Variants in ENTPD1 observed in about 807,000 individuals in gnomAD.
ENTPD1 encodes the protein ectonucleoside triphosphate diphosphohydrolase 1.
A neutral mutation model predicts 57.0 loss-of-function variants in ENTPD1; 33 were observed. The observed-to-expected ratio is 0.58, with a 90% CI of 0.44 to 0.77. The LOEUF (loss-of-function observed/expected upper bound fraction) is 0.77. ENTPD1 is among the 30% of genes least tolerant of loss of function. The probability of loss-of-function intolerance (pLI) is 0.00; values close to 1 mark genes in which losing one functional copy is unlikely to be tolerated. For synonymous variants in ENTPD1, 202 were observed against 218.8 expected, an observed-to-expected ratio of 0.92 and a Z score of 0.68; for missense variants, 501 against 603.4, an observed-to-expected ratio of 0.83 and a Z score of 1.78.
At chr10:95,823,481 G>A (rs2140562014) in intron 2 of ENTPD1, 117 bp downstream of exon 2, 1 of 1,493,622 alleles carries the variant, frequency 6.7e-7, no homozygotes, top group East Asian at 2.3e-5. Context: ...TAACAGCCCA[G>A]GAACAAGTCA....
rs115668055 is a variant in ENTPD1 at position 95,866,427 on chromosome 10, G to A, written c.*44G>A. 191 of 1,610,954 alleles carry A rather than the reference G, an allele frequency of 1.2e-4. No individual in the cohort carries two copies. In the African/African-American group the frequency reaches 2.2e-3, roughly 18 times the overall value. On this transcript the variant is annotated 3_prime_UTR_variant, in exon 10 of 10. Coordinates refer to ENST00000371205, the MANE Select transcript of ENTPD1 (RefSeq NM_001776.6). ...GCTGGCTGGAGTGAGGAAAAAAATC[G>A]TCCAGGGAGCATTTTCCTCCATCGC...
In ENTPD1 at chr10:95,844,651, C is replaced by A. The variant is rs775419867; in HGVS notation, c.573+16C>A. The A allele has an allele frequency of 6.2e-7, 1 of 1,613,966 alleles. No individual in the cohort carries two copies. The highest frequency in any genetic ancestry group is 1.1e-5 in the South Asian group (1 of 91,070). On this transcript the variant is annotated intron_variant, in intron 5 of 9. Coordinates refer to ENST00000371205, the MANE Select transcript of ENTPD1 (RefSeq NM_001776.6). ...ATTCAGTCAGGTGAATATCTCACAG[C>A]ATCCATGGAGGTGGCTCTCTGGAGG...
chr10:95,858,737 C>G (rs1450760069), intron 7 of ENTPD1, among the ~76,000 whole-genome samples: 1 of 152,144 alleles, frequency 6.6e-6, no homozygotes, highest in Non-Finnish European at 1.5e-5. Flanking sequence ...AATGAGCATA[C>G]CAGTTCAGAG....
chr10:95,868,642 T>C lies in ENTPD1; in HGVS notation c.*2259T>C. On this transcript the variant is annotated 3_prime_UTR_variant, in exon 10 of 10. Transcript: ENST00000371205. The stretch of plus-strand genomic sequence containing the variant: ...ACAACCCATAAGGGTGTAAATAGTA[T>C]TTCCATTTTACAAATGAGGATCACA... 3 of 981,196 alleles carry C rather than the reference T, an allele frequency of 3.1e-6. No individual in the cohort carries two copies. Among genetic ancestry groups the C allele is most frequent in the Non-Finnish European group, 3.6e-6 (3 of 826,100 alleles). The allele number at this position is 981,196 out of a possible 1,614,324, so 60.8% of individuals were successfully genotyped here. A position where few individuals can be genotyped will look rare whatever the true frequency, so the allele number is the denominator to read the frequency against.
chr10:95,753,070 A>G (rs577738813), upstream of ENTPD1: 85 of 152,364 alleles, frequency 5.6e-4, no homozygotes, highest in African/African-American at 1.9e-3. Context: ...TAAGAACTTT[A>G]TAAGACCATT....
At chr10:95,715,443 C>T (rs189225035) in intron 1 of ENTPD1, among the ~76,000 whole-genome samples, 7 of 151,940 alleles carry the variant, frequency 4.6e-5, no homozygotes, top group Non-Finnish European at 1.0e-4. Flanking sequence ...TTAAACTAAA[C>T]TGTGTTTCTT....
intron 8 of ENTPD1, among the ~76,000 whole-genome samples, chr10:95,861,148 C>A (rs924058290): frequency 2.0e-5 from 3 of 152,234 alleles, no homozygotes; most frequent in African/African-American, 7.2e-5. Context: ...GTGGCCCACT[C>A]TCCTCCTTCA....
At chr10:95,798,169 A>C (rs2098234255) in intron 1 of ENTPD1, among the ~76,000 whole-genome samples, 1 of 152,160 alleles carries the variant, frequency 6.6e-6, no homozygotes, top group Non-Finnish European at 1.5e-5. Context: ...CAAATGTCAG[A>C]TTGCACAAGA....
Position 95,876,738 on chromosome 10 carries a change from C to A in ENTPD1, c.*10355C>A. On this transcript the variant is annotated 3_prime_UTR_variant, in exon 10 of 10. Transcript: ENST00000371205. ...TTAACCAAAGTAGAAAAATATAATA[C>A]ACATCCATGTGCCCATCACAGAACT... The A allele has an allele frequency of 1.1e-6, 1 of 912,022 alleles. No individual in the cohort carries two copies. The highest frequency in any genetic ancestry group is 1.4e-6 in the Non-Finnish European group (1 of 714,650). 56.5% of individuals were successfully genotyped at this position (912,022 alleles called of 1,614,324 possible). A position where few individuals can be genotyped will look rare whatever the true frequency, so the allele number is the denominator to read the frequency against.
the ENTPD1 span, among the ~76,000 whole-genome samples, chr10:95,702,825 C>G: frequency 6.6e-6 from 1 of 152,146 alleles, no homozygotes; most frequent in Non-Finnish European, 1.5e-5. Context: ...CTCTGTCGCC[C>G]ATGCTGGAGT....
intron 1 of ENTPD1, among the ~76,000 whole-genome samples, chr10:95,769,240 G>T (rs1472445978): frequency 6.6e-6 from 1 of 152,216 alleles, no homozygotes; most frequent in African/African-American, 2.4e-5. Flanking sequence ...CCCACTGAGA[G>T]CAAACCTCTG....
At chr10:95,839,196 T>C (rs548590612) in intron 2 of ENTPD1, 10 of 165,530 alleles carry the variant, frequency 6.0e-5, no homozygotes, top group Non-Finnish European at 1.3e-4. Flanking sequence ...TGGGACCTTA[T>C]AAAAATTCCA....
chr10:95,700,795 CTT>C, the ENTPD1 span, among the ~76,000 whole-genome samples: 13 of 144,074 alleles, frequency 9.0e-5, no homozygotes, highest in South Asian at 2.2e-4. Context: ...GAAGTATATT[CTT>C]TTTTTTTTTT....
intron 1 of ENTPD1, among the ~76,000 whole-genome samples, chr10:95,762,209 C>CG (rs1036879486): frequency 2.5e-5 from 2 of 78,504 alleles, no homozygotes; most frequent in African/African-American, 4.0e-5. Context: ...TAAAAAGAAG[C>CG]AAAAAAAAAA....
At position 95,855,847 on chromosome 10, in the gene ENTPD1, T is replaced by C. The variant is rs1463202146; in HGVS notation, c.1075-4622T>C. Among the ~76,000 whole-genome samples the C allele has an allele frequency of 4.6e-5, 7 of 152,218 alleles. No individual in the cohort carries two copies. In the East Asian group the frequency reaches 1.3e-3, roughly 29 times the overall value. On this transcript the variant is annotated intron_variant, in intron 7 of 9. Transcript: ENST00000371205. Reference sequence around the variant, plus strand: ...GCTTCCCTTTGTGGGTAACCCGACCTTTCTCTCTGGCTGCCCTTAACATTT... The same window carrying C: ...GCTTCCCTTTGTGGGTAACCCGACCCTTCTCTCTGGCTGCCCTTAACATTT...
chr10:95,716,485 T>G (rs927262705), intron 1 of ENTPD1, among the ~76,000 whole-genome samples: 7 of 152,206 alleles, frequency 4.6e-5, no homozygotes, highest in African/African-American at 1.7e-4. Flanking sequence ...ATTTGAGTCA[T>G]GAAAGATCTG....
At chr10:95,804,681 G>A (rs1034507775) in intron 1 of ENTPD1, among the ~76,000 whole-genome samples, 2 of 152,018 alleles carry the variant, frequency 1.3e-5, no homozygotes, top group Non-Finnish European at 2.9e-5. Context: ...TCTTTCTCTG[G>A]CCTGATTGCC....
intron 1 of ENTPD1, among the ~76,000 whole-genome samples, chr10:95,780,280 A>G (rs576861999): frequency 1.3e-5 from 2 of 152,300 alleles, no homozygotes; most frequent in South Asian, 4.2e-4. Flanking sequence ...TCAAACATTA[A>G]TTTTTGTGGC....
In ENTPD1 at chr10:95,866,497, C is replaced by T. The variant is rs933417439; in HGVS notation, c.*114C>T. On this transcript the variant is annotated 3_prime_UTR_variant, in exon 10 of 10. Coordinates refer to ENST00000371205, the MANE Select transcript of ENTPD1 (RefSeq NM_001776.6). ...CCCTGTCTGCCAGGGCCAGTCTTGA[C>T]GAGTGTGAAGCTTCCTTGGCTTTTA... is the stretch of plus-strand genomic sequence containing the variant. The T allele has an allele frequency of 4.2e-5, 65 of 1,548,492 alleles. No individual in the cohort carries two copies. Among genetic ancestry groups the T allele is most frequent in the South Asian group, 3.1e-4 (26 of 84,546 alleles).
Sources: gnomAD v4.1 joint callset for allele counts (sites outside exome capture counted in the v4.1 genomes callset) on GRCh38, gnomAD v4.1.1 for gene constraint, MANE v1.5 for transcripts, NCBI Gene and HGNC (gene_info 2026-07-23, HGNC 2026-07-21) for gene names.